Variants in PLIN5 observed in about 807,000 individuals in gnomAD.
PLIN5 encodes perilipin-5.
PLIN5 carries 34 observed loss-of-function variants against 32.8 expected under a neutral mutation model. The observed-to-expected ratio is 1.04, with a 90% CI of 0.79 to 1.38. The LOEUF is 1.38. Among genes scored for constraint, PLIN5 ranks in the 40% most tolerant of loss-of-function variants. The pLI, the probability that PLIN5 is intolerant of heterozygous loss-of-function variation, is 0.00. For missense variants in PLIN5, 712 were observed against 660.5 expected (o/e 1.08, Z -0.85); for synonymous variants, 309 against 292.9 (o/e 1.05, Z -0.56).
Position 4,534,186 on chromosome 19 carries a change from T to C in PLIN5, c.-21-91A>G, listed in dbSNP as rs1976920955. 7.4e-6 allele frequency: 8 copies of C among 1,082,738 alleles called. No individual in the cohort carries two copies. In the Admixed American group the frequency reaches 1.4e-4, roughly 19 times the overall value. 67.1% of individuals were successfully genotyped at this position (1,082,738 alleles called of 1,614,324 possible). A position where few individuals can be genotyped will look rare whatever the true frequency, so the allele number is the denominator to read the frequency against. The stretch of plus-strand genomic sequence containing the variant: ...GTGACTTGAGCAACTCTCAAACCTC[T>C]TGGGGCCTCAGTTTCTTCATCTGCA... On this transcript the variant is annotated intron_variant, in intron 1 of 7. Transcript: ENST00000381848.
chr19:4,529,906 C>A (rs758538661), intron 3 of PLIN5, 40 bp from the exon 4 acceptor site: 2 of 1,382,620 alleles, frequency 1.4e-6, no homozygotes, highest in Non-Finnish European at 2.0e-6. Flanking sequence ...CGGGGAGACG[C>A]AGAGGGAGAT....
intron 3 of PLIN5, 47 bp downstream of exon 3, chr19:4,531,580 G>A: frequency 1.4e-6 from 2 of 1,456,978 alleles, no homozygotes; most frequent in Non-Finnish European, 1.8e-6. Flanking sequence ...GGGGCGGTGG[G>A]GGGGTGGCAA....
rs1976918199 is a variant in PLIN5 at position 4,534,009 on chromosome 19, C to T, written c.60+6G>A. Reference sequence around the variant, plus strand: ...GTCCCTGCTCCATGGGAGGGGCAGCCCTCACCTGCTGGTCCTGCTCCCACA... The same window carrying T: ...GTCCCTGCTCCATGGGAGGGGCAGCTCTCACCTGCTGGTCCTGCTCCCACA... On this transcript the variant is annotated splice_donor_region_variant and intron_variant, in intron 2 of 7. Coordinates refer to ENST00000381848, the MANE Select transcript of PLIN5 (RefSeq NM_001013706.3). The T allele has an allele frequency of 1.2e-6, 2 of 1,612,034 alleles. No homozygotes were observed. The highest frequency in any genetic ancestry group is 1.1e-5 in the South Asian group (1 of 90,546).
At chr19:4,530,027 G>A (rs35866605) in intron 3 of PLIN5, among the ~76,000 whole-genome samples, 161 bp from the exon 4 acceptor site, 11,378 of 152,230 alleles carry the variant, frequency 0.075, 571 homozygotes, top group Admixed American at 0.13. Flanking sequence ...TGATGGAGAC[G>A]AGACCCACAC....
chr19:4,523,428 G>T lies in PLIN5; in HGVS notation c.*100C>A. 1 of 1,347,918 alleles carries T rather than the reference G, an allele frequency of 7.4e-7. No homozygotes were observed. The highest frequency in any genetic ancestry group is 1.0e-6 in the Non-Finnish European group (1 of 1,002,368). 83.5% of individuals were successfully genotyped at this position (1,347,918 alleles called of 1,614,324 possible). A position where few individuals can be genotyped will look rare whatever the true frequency, so the allele number is the denominator to read the frequency against. On this transcript the variant is annotated 3_prime_UTR_variant, in exon 8 of 8. Transcript: ENST00000381848. The surrounding 1 kb of genome is among the most constrained non-coding windows in gnomAD (Gnocchi z 5.0). ...GGAGTTGGGCCTGATTCCAAAGAAG[G>T]GTCAAGGCCAAGGCCTCGAGCTTAC...
intron 1 of PLIN5, 197 bp from the exon 2 acceptor site, chr19:4,534,292 A>C (rs1976922033): frequency 1.7e-6 from 1 of 586,754 alleles, no homozygotes; most frequent in Non-Finnish European, 3.0e-6. Context: ...AGCCTCTGGC[A>C]AGGTAGGGTT....
intron 2 of PLIN5, chr19:4,532,454 C>T (rs374758170): frequency 2.6e-5 from 4 of 152,410 alleles, no homozygotes; most frequent in East Asian, 3.9e-4. Context: ...ATCCACCTGC[C>T]TTGGCCTCCC....
Position 4,525,392 on chromosome 19 carries a change from T to C in PLIN5, c.720+241A>G, listed in dbSNP as rs759615679. Among the ~76,000 whole-genome samples the C allele has an allele frequency of 1.3e-5, 2 of 152,112 alleles. No homozygotes were observed. The highest frequency in any genetic ancestry group is 2.4e-5 in the African/African-American group (1 of 41,426). ...TCTTCTGACCTACCCTAACTTGCTA[T>C]AAATTCCAGCTTCTCCTTCCCCTCT... On this transcript the variant is annotated intron_variant, in intron 6 of 7. Transcript: ENST00000381848. The surrounding 1 kb of genome is among the most constrained non-coding windows in gnomAD (Gnocchi z 5.6).
In PLIN5 at chr19:4,529,158, G is replaced by A. The variant is rs757361584; in HGVS notation, c.435C>T (p.Arg145=). The A allele has an allele frequency of 5.0e-6, 8 of 1,613,306 alleles. No individual in the cohort carries two copies. Among genetic ancestry groups the A allele is most frequent in the Non-Finnish European group, 6.8e-6 (8 of 1,179,970 alleles). Residue 145 remains arginine (R), a synonymous_variant, in exon 5 of 8, where the codon CGC becomes CGT. Transcript: ENST00000381848. ...CAACATCCACAGCATGGCTCACGGA[G>A]CGCTTCAGCTCCACGCTCCAGCGCC... The part of the protein sequence containing the change: ...RGRRWSVELK[R]SVSHAVDVVL...
At chr19:4,526,598 T>C (rs940792662) in intron 5 of PLIN5, among the ~76,000 whole-genome samples, 10 of 152,158 alleles carry the variant, frequency 6.6e-5, no homozygotes, top group African/African-American at 2.4e-4. Flanking sequence ...CCCAGCACTT[T>C]GGGAGGCCGA....
rs759684717 is a variant in PLIN5, at chr19:4,529,684, G to C, written c.339+100C>G. The C allele has an allele frequency of 1.4e-5, 13 of 924,836 alleles. No individual in the cohort carries two copies. In the Admixed American group the frequency reaches 2.7e-4, roughly 20 times the overall value. 57.3% of individuals were successfully genotyped at this position (924,836 alleles called of 1,614,324 possible). A position where few individuals can be genotyped will look rare whatever the true frequency, so the allele number is the denominator to read the frequency against. The stretch of plus-strand genomic sequence containing the variant: ...TATTTTAACCTGGCTGTTTTTTCTT[G>C]AGTTAACTAAAAGCCTGGTTGTCAC... On this transcript the variant is annotated intron_variant, in intron 4 of 7. Coordinates refer to ENST00000381848, the MANE Select transcript of PLIN5 (RefSeq NM_001013706.3).
chr19:4,531,802 C>G lies in PLIN5; in HGVS notation c.81G>C (p.Val27=), dbSNP rs1227484913. The change falls in exon 3 of 8, where the codon GTG becomes GTC. Residue 27 remains valine (V), a synonymous_variant. Transcript: ENST00000381848. The stretch of plus-strand genomic sequence containing the variant: ...ACGTGGCCCTGACCAGGGGCAGAGC[C>G]ACCACACGCTGCACCACGTTCTGCG... The part of the protein sequence containing the change: ...QDQQNVVQRV[V]ALPLVRATCT... The G allele has an allele frequency of 6.4e-7, 1 of 1,574,262 alleles. No homozygotes were observed. The highest frequency in any genetic ancestry group is 1.3e-5 in the African/African-American group (1 of 74,108).
At chr19:4,533,755 A>G (rs948406201) in intron 2 of PLIN5, 3 of 560,562 alleles carry the variant, frequency 5.4e-6, no homozygotes, top group African/African-American at 3.8e-5. Context: ...GTGGAGACCC[A>G]GGGATCAAAG....
At chr19:4,528,985 G>T in intron 5 of PLIN5, 88 bp downstream of exon 5, 3 of 1,370,114 alleles carry the variant, frequency 2.2e-6, no homozygotes, top group South Asian at 1.4e-5. Flanking sequence ...GTGTGACCTT[G>T]GGTGAGTCTC....
At chr19:4,528,941 T>C (rs1022344786) in intron 5 of PLIN5, 132 bp downstream of exon 5, 8 of 1,000,734 alleles carry the variant, frequency 8.0e-6, no homozygotes, top group African/African-American at 1.6e-5. Flanking sequence ...AGGACAGGCC[T>C]GGTTTTGAGT....
Position 4,525,778 on chromosome 19 carries a change from C to T in PLIN5, c.575G>A (p.Arg192Lys). 7 of 1,613,386 alleles carry T rather than the reference C, an allele frequency of 4.3e-6. No individual in the cohort carries two copies. Among genetic ancestry groups the T allele is most frequent in the Non-Finnish European group, 5.9e-6 (7 of 1,179,948 alleles). ...GCGCACAAAGTAGCCCTGCTGTCTC[C>T]TCTGATCCTCCACCGAACCCACTTC... ...GPEVGSVEDQ[R>K]RQQGYFVRLG... is the part of the protein sequence containing the mutation. The change falls in exon 6 of 8, where the codon AGG becomes AAG. Residue 192 changes from arginine (R) to lysine (K), a missense_variant. Arg to Lys is a conservative substitution (Grantham distance 26). Coordinates refer to ENST00000381848, the MANE Select transcript of PLIN5 (RefSeq NM_001013706.3). The surrounding 1 kb of genome is among the most constrained non-coding windows in gnomAD (Gnocchi z 5.6).
intron 5 of PLIN5, among the ~76,000 whole-genome samples, chr19:4,527,641 G>A (rs931019811): frequency 3.3e-5 from 5 of 150,106 alleles, no homozygotes; most frequent in Admixed American, 2.0e-4. Flanking sequence ...TGGCTCACCT[G>A]AGGTCAGGAG....
Position 4,529,493 on chromosome 19 carries a change from CACATAT to C in PLIN5, c.340-246_340-241del. 5.5e-6 allele frequency: 3 copies of C among 545,514 alleles called. No homozygotes were observed. The Admixed American group carries it at 1.0e-4, about 19-fold the overall frequency. 33.8% of individuals were successfully genotyped at this position (545,514 alleles called of 1,614,324 possible). ...ACATATACATATATACACATATACACACATATACATATATACATGTATATATACACA... is the reference window on the plus strand; with the variant it reads ...ACATATACATATATACACATATACACACATATATACATGTATATATACACA... On this transcript the variant is annotated intron_variant, in intron 4 of 7. Coordinates refer to ENST00000381848, the MANE Select transcript of PLIN5 (RefSeq NM_001013706.3).
At position 4,531,717 on chromosome 19, in the gene PLIN5, C is replaced by T. The variant is rs528560540; in HGVS notation, c.166G>A (p.Ala56Thr). 9 of 1,586,844 alleles carry T rather than the reference C, an allele frequency of 5.7e-6. No homozygotes were observed. Among genetic ancestry groups the T allele is most frequent in the South Asian group, 3.4e-5 (3 of 87,066 alleles). ...ACGCAGTTCTCAGCCAGGCGGCAGG[C>T]GGAGCCCAGCAGCGGGTGCCTGTCC... ...AKDRHPLLGS[A>T]CRLAENCVCG... The change falls in exon 3 of 8, where the codon GCC (alanine) becomes ACC (threonine). Residue 56 changes from alanine to threonine, a missense_variant. Coordinates refer to ENST00000381848, the MANE Select transcript of PLIN5 (RefSeq NM_001013706.3).
Sources: allele counts gnomAD v4.1 joint callset (sites outside exome capture counted in the v4.1 genomes callset), GRCh38; gene constraint gnomAD v4.1.1; non-coding constraint Gnocchi (gnomAD v3.1); transcripts MANE v1.5; gene names NCBI Gene and HGNC (gene_info 2026-07-23, HGNC 2026-07-21).